The following FAM83A variants were observed in gnomAD, a reference collection of about 807,000 sequenced individuals.
FAM83A encodes protein FAM83A.
In FAM83A, 21 loss-of-function variants were observed where a neutral mutation model predicts 24.4. The ratio of observed to expected loss-of-function variants is 0.86; its 90% CI spans 0.61 to 1.24. The LOEUF is 1.24. FAM83A is among the 50% of genes most tolerant of loss of function. The probability of loss-of-function intolerance (pLI) is 0.00; values close to 1 mark genes in which losing one functional copy is unlikely to be tolerated. For synonymous variants in FAM83A, 270 were observed against 252.4 expected, an observed-to-expected ratio of 1.07 and a Z score of -0.66; for missense variants, 617 against 579.8, an observed-to-expected ratio of 1.06 and a Z score of -0.66.
chr8:123,198,947 C>T (rs191498362), intron 3 of FAM83A, among the ~76,000 whole-genome samples: 44 of 152,200 alleles, frequency 2.9e-4, no homozygotes, highest in African/African-American at 9.9e-4. Flanking sequence ...ACTGTGTTGG[C>T]CAGGCTGGTC....
chr8:123,182,974 G>T lies in FAM83A; in HGVS notation c.118G>T (p.Asp40Tyr), dbSNP rs1437602884. The stretch of plus-strand genomic sequence containing the variant: ...CAACGAGAGTGCCCGGCTGGCCACG[G>T]ACGCCCTCTTGGATGGGGGTTCTGA... The change falls in exon 1 of 4, where the codon GAC (aspartate) becomes TAC (tyrosine). Residue 40 changes from aspartate (D) to tyrosine (Y), a missense_variant. Coordinates refer to ENST00000690554, the Ensembl canonical transcript of FAM83A. The T allele has an allele frequency of 5.0e-6, 8 of 1,611,196 alleles. 1 individual carries two copies. The South Asian group carries it at 8.8e-5, about 18-fold the overall frequency.
intron 3 of FAM83A, among the ~76,000 whole-genome samples, chr8:123,198,896 C>T (rs1322705542): frequency 1.3e-5 from 2 of 152,050 alleles, no homozygotes; most frequent in African/African-American, 4.8e-5. Context: ...ACCACCACAC[C>T]CGGGTAATTG....
exon 1 of FAM83A, chr8:123,183,057 G>C: frequency 1.2e-6 from 2 of 1,613,302 alleles, no homozygotes; most frequent in South Asian, 2.2e-5. Context: ...CCTCGGTGGA[G>C]GCCCAGTACA....
At chr8:123,187,999 T>A (rs1823860103) in intron 1 of FAM83A, among the ~76,000 whole-genome samples, 1 of 152,106 alleles carries the variant, frequency 6.6e-6, no homozygotes, top group East Asian at 1.9e-4. Context: ...TAGCTGGGAT[T>A]ACAGGCGCAT....
intron 1 of FAM83A, 89 bp downstream of exon 1, chr8:123,183,425 C>T (rs1443913498): frequency 2.7e-5 from 41 of 1,523,112 alleles, no homozygotes; most frequent in Non-Finnish European, 3.3e-5. Flanking sequence ...ATTTTGCTCC[C>T]AGGGCGAGAG....
At chr8:123,185,243 C>G (rs539535171) in intron 1 of FAM83A, among the ~76,000 whole-genome samples, 1 of 152,218 alleles carries the variant, frequency 6.6e-6, no homozygotes, top group East Asian at 1.9e-4. Context: ...TCCCTCCAGG[C>G]TCCAAAGGCC....
chr8:123,193,136 G>A (rs994950482), intron 2 of FAM83A, among the ~76,000 whole-genome samples: 15 of 152,194 alleles, frequency 9.9e-5, no homozygotes, highest in Non-Finnish European at 1.5e-4. Flanking sequence ...GCTGTACGGC[G>A]GGAGCAGCAG....
chr8:123,199,066 T>C (rs1206661246), intron 3 of FAM83A, among the ~76,000 whole-genome samples: 1 of 152,194 alleles, frequency 6.6e-6, no homozygotes, highest in Admixed American at 6.5e-5. Flanking sequence ...AATAGCTGTG[T>C]ACCTGCCATC....
chr8:123,207,155 A>G lies in FAM83A; in HGVS notation c.774-2A>G, dbSNP rs750404160. ...ATCACTCTCTCTCCTCTTCCCCTCC[A>G]GCTTCACCTGGCTCTGCGGACACGT... is the stretch of plus-strand genomic sequence containing the variant. On this transcript the variant is annotated splice_acceptor_variant, in intron 3 of 3. Coordinates refer to ENST00000690554, the Ensembl canonical transcript of FAM83A. LOFTEE classifies it high-confidence loss of function. The G allele has an allele frequency of 7.0e-7, 1 of 1,437,706 alleles. No individual in the cohort carries two copies. Among genetic ancestry groups the G allele is most frequent in the Admixed American group, 2.0e-5 (1 of 49,968 alleles). The allele number at this position is 1,437,706 out of a possible 1,614,324, so 89.1% of individuals were successfully genotyped here. A position where few individuals can be genotyped will look rare whatever the true frequency, so the allele number is the denominator to read the frequency against.
upstream of FAM83A, chr8:123,179,272 C>T (rs1302532014): frequency 6.6e-6 from 1 of 152,136 alleles, no homozygotes; most frequent in Non-Finnish European, 1.5e-5. Flanking sequence ...GAGTATTCTG[C>T]CCTCATGTAT....
In FAM83A at chr8:123,195,791, A is replaced by G. The variant is rs138183817; in HGVS notation, c.773+1643A>G. Among the ~76,000 whole-genome samples the G allele has an allele frequency of 3.9e-3, 598 of 152,242 alleles. 4 individuals are homozygous for G. Among genetic ancestry groups the G allele is most frequent in the African/African-American group, 0.014 (572 of 41,550 alleles). On this transcript the variant is annotated intron_variant, in intron 3 of 3. Transcript: ENST00000690554. ...GGGAGCTCACTGGGGCCTCTTCTGC[A>G]AGGGCACTAACCCCATTCCTGAAGG...
At chr8:123,184,298 T>C (rs1181478051) in intron 1 of FAM83A, among the ~76,000 whole-genome samples, 2 of 152,006 alleles carry the variant, frequency 1.3e-5, no homozygotes, top group Non-Finnish European at 2.9e-5. Context: ...GGTGCCCACC[T>C]CTGCGCTTCC....
intron 3 of FAM83A, chr8:123,201,530 G>A (rs1824355881): frequency 6.6e-6 from 1 of 152,124 alleles, no homozygotes; most frequent in Non-Finnish European, 1.5e-5. Context: ...GCCTTTCAGG[G>A]GATCATCTTC....
intron 1 of FAM83A, among the ~76,000 whole-genome samples, chr8:123,183,613 T>A (rs1823689656): frequency 6.6e-6 from 1 of 151,970 alleles, no homozygotes; most frequent in African/African-American, 2.4e-5. Flanking sequence ...CGTCACAGTC[T>A]CCATACTGCA....
chr8:123,181,940 A>G (rs1281347743), upstream of FAM83A: 1 of 434,118 alleles, frequency 2.3e-6, no homozygotes, highest in African/African-American at 2.0e-5. Flanking sequence ...CCATTGCCAG[A>G]TCACGATCTG....
intron 1 of FAM83A, among the ~76,000 whole-genome samples, chr8:123,188,955 G>A (rs1823889625): frequency 6.6e-6 from 1 of 152,136 alleles, no homozygotes; most frequent in Admixed American, 6.5e-5. Context: ...TTCCAAACCT[G>A]CCCCTGTCTC....
At position 123,183,407 on chromosome 8, in the gene FAM83A, G is replaced by C. The variant is rs1028909122; in HGVS notation, c.480+71G>C. On this transcript the variant is annotated intron_variant, in intron 1 of 3. Transcript: ENST00000690554. ...GATCGGGGGCTGATAGAGCAGGGAGGGGGGTGCATTTTGCTCCCAGGGCGA... is the reference window on the plus strand; with the variant it reads ...GATCGGGGGCTGATAGAGCAGGGAGCGGGGTGCATTTTGCTCCCAGGGCGA... The C allele has an allele frequency of 1.0e-5, 16 of 1,540,332 alleles. 1 individual carries two copies. In the East Asian group the frequency reaches 1.4e-4, roughly 13 times the overall value.
chr8:123,183,123 AG>A lies in FAM83A; in HGVS notation c.268del (p.Ala90GlnfsTer40). 2 of 1,613,880 alleles carry A rather than the reference AG, an allele frequency of 1.2e-6. No homozygotes were observed. The highest frequency in any genetic ancestry group is 1.7e-6 in the Non-Finnish European group (2 of 1,179,962). ...CCCCAGACACCCTGGGAGGGGCGGA[AG>A]CAGGCCCTAAGGGACTGGACTCCAG... On this transcript the variant is annotated frameshift_variant, in exon 1 of 4. Transcript: ENST00000690554. LOFTEE classifies it high-confidence loss of function.
rs2131117852 is a variant in FAM83A at position 123,209,822 on chromosome 8, A to G, written c.*2134A>G. On this transcript the variant is annotated 3_prime_UTR_variant, in exon 4 of 4. Coordinates refer to ENST00000690554, the Ensembl canonical transcript of FAM83A. This position sits in a 1 kb window ranked among gnomAD's most constrained non-coding sequence, Gnocchi z 4.7. ...TTCTCCTCTCCTGGGCACCTGTAAC[A>G]TGTGATGCGCTGCCTGCTGGGAGGT... 4.2e-6 allele frequency: 2 copies of G among 471,764 alleles called. No homozygotes were observed. The highest frequency in any genetic ancestry group is 7.7e-6 in the Non-Finnish European group (2 of 261,118). 29.2% of individuals were successfully genotyped at this position (471,764 alleles called of 1,614,324 possible).
Sources: allele counts gnomAD v4.1 joint callset (sites outside exome capture counted in the v4.1 genomes callset), GRCh38; gene constraint gnomAD v4.1.1; non-coding constraint Gnocchi (gnomAD v3.1); transcripts MANE v1.5; gene names NCBI Gene and HGNC (gene_info 2026-07-23, HGNC 2026-07-21).